The following EXOC4 variants were observed in gnomAD, a reference collection of about 807,000 sequenced individuals.
The protein encoded by EXOC4 is SEC8-like 1.
EXOC4 carries 71 observed loss-of-function variants against 107.2 expected under a neutral mutation model. The ratio of observed to expected loss-of-function variants is 0.66; its 90% CI spans 0.55 to 0.81. The LOEUF (loss-of-function observed/expected upper bound fraction) is 0.81, where lower values mean the gene tolerates loss of function less well. Among genes scored for constraint, EXOC4 ranks in the 30% least tolerant of loss-of-function variants. The pLI, the probability that EXOC4 is intolerant of heterozygous loss-of-function variation, is 0.00. For synonymous variants in EXOC4, 456 were observed against 441.2 expected, an observed-to-expected ratio of 1.03 and a Z score of -0.42; for missense variants, 1,108 against 1,189.6, an observed-to-expected ratio of 0.93 and a Z score of 1.01.
intron 17 of EXOC4, among the ~76,000 whole-genome samples, chr7:134,044,590 T>C (rs910588432): frequency 2.6e-5 from 4 of 152,146 alleles, no homozygotes; most frequent in Non-Finnish European, 5.9e-5. Context: ...AACTGAGCAG[T>C]CATCCATTAC....
intron 6 of EXOC4, among the ~76,000 whole-genome samples, chr7:133,361,696 A>G (rs1213676452): frequency 6.6e-6 from 1 of 152,184 alleles, no homozygotes; most frequent in Non-Finnish European, 1.5e-5. Flanking sequence ...GAGGTAAAAA[A>G]TGGTATTTTT....
At chr7:133,949,029 G>A (rs1800624380) in intron 14 of EXOC4, among the ~76,000 whole-genome samples, 1 of 152,130 alleles carries the variant, frequency 6.6e-6, no homozygotes, top group Admixed American at 6.5e-5. Flanking sequence ...AATATAAATG[G>A]TATTTAATAA....
At chr7:133,876,886 A>G (rs1292009596) in intron 11 of EXOC4, among the ~76,000 whole-genome samples, 1 of 150,862 alleles carries the variant, frequency 6.6e-6, no homozygotes, top group Non-Finnish European at 1.5e-5. Context: ...CAGCAATTCG[A>G]TTATTTGTGA....
rs551579689 is a variant in EXOC4, at chr7:133,946,207, T to G, written c.2206+8138T>G. Among the ~76,000 whole-genome samples the G allele has an allele frequency of 2.0e-4, 31 of 152,320 alleles. No homozygotes were observed. The South Asian group carries it at 3.9e-3, about 19-fold the overall frequency. On this transcript the variant is annotated intron_variant, in intron 14 of 17. Transcript: ENST00000253861. ...GTAGTTGTCATTTTCCTAAGCTGAC[T>G]TTCATATTGTGGCTTCATTTCTGTC...
At chr7:133,709,795 C>G (rs1794846858) in intron 10 of EXOC4, among the ~76,000 whole-genome samples, 1 of 151,944 alleles carries the variant, frequency 6.6e-6, no homozygotes, top group African/African-American at 2.4e-5. Flanking sequence ...TCAGTTTCCT[C>G]CTCTATAAAA....
intron 11 of EXOC4, among the ~76,000 whole-genome samples, chr7:133,835,412 G>C (rs78237757): frequency 6.6e-6 from 1 of 152,198 alleles, no homozygotes; most frequent in African/African-American, 2.4e-5. Context: ...GTCCAGAAAG[G>C]TGGGACAGTT....
the EXOC4 span, among the ~76,000 whole-genome samples, chr7:134,073,204 T>TAAA: frequency 2.8e-4 from 1 of 3,594 alleles, no homozygotes; most frequent in Admixed American, 7.5e-3. Context: ...AGACTTCCTC[T>TAAA]CAAAAAAAAA....
intron 10 of EXOC4, among the ~76,000 whole-genome samples, chr7:133,714,924 GT>G (rs1794968949): frequency 6.6e-6 from 1 of 152,060 alleles, no homozygotes; most frequent in South Asian, 2.1e-4. Flanking sequence ...TCTGGGCTTC[GT>G]TTTTCTCTGT....
chr7:134,083,996 T>C, the EXOC4 span, among the ~76,000 whole-genome samples: 1 of 152,176 alleles, frequency 6.6e-6, no homozygotes, highest in East Asian at 1.9e-4. Context: ...TCTTTCTTTA[T>C]AGGAAGTGAG....
At chr7:133,772,721 C>T (rs1225053190) in intron 10 of EXOC4, among the ~76,000 whole-genome samples, 1 of 151,994 alleles carries the variant, frequency 6.6e-6, no homozygotes, top group African/African-American at 2.4e-5. Flanking sequence ...ATTCTCTAGT[C>T]CAATCATTTT....
At chr7:133,557,639 A>G (rs1800718473) in intron 9 of EXOC4, among the ~76,000 whole-genome samples, 1 of 152,210 alleles carries the variant, frequency 6.6e-6, no homozygotes, top group Non-Finnish European at 1.5e-5. Context: ...TCTGAATAGT[A>G]AAAGTCTTTC....
intron 10 of EXOC4, among the ~76,000 whole-genome samples, chr7:133,660,624 G>A (rs1263102762): frequency 6.6e-6 from 1 of 152,182 alleles, no homozygotes; most frequent in Non-Finnish European, 1.5e-5. Flanking sequence ...CATCCAGTCA[G>A]AAGAATATTA....
At chr7:133,748,639 A>C (rs1366502273) in intron 10 of EXOC4, among the ~76,000 whole-genome samples, 1 of 152,224 alleles carries the variant, frequency 6.6e-6, no homozygotes, top group Non-Finnish European at 1.5e-5. Context: ...TGAGGTCTAG[A>C]GAAATCCATG....
intron 7 of EXOC4, among the ~76,000 whole-genome samples, chr7:133,466,548 T>C (rs1390237436): frequency 6.6e-6 from 1 of 152,110 alleles, no homozygotes; most frequent in East Asian, 1.9e-4. Flanking sequence ...AACAAATAAA[T>C]TAGTAATTAA....
intron 10 of EXOC4, among the ~76,000 whole-genome samples, chr7:133,747,898 G>A (rs916332051): frequency 2.6e-5 from 4 of 152,038 alleles, no homozygotes; most frequent in African/African-American, 9.7e-5. Flanking sequence ...TTATTTTCTT[G>A]CCTATCCGTA....
chr7:133,305,836 T>A, intron 3 of EXOC4, 41 bp from the exon 4 acceptor site: 1 of 1,494,566 alleles, frequency 6.7e-7, no homozygotes, highest in South Asian at 1.3e-5. Flanking sequence ...GCCAGGTTAT[T>A]AAGTTGTACT....
chr7:134,010,980 A>C (rs1405015206), intron 17 of EXOC4, among the ~76,000 whole-genome samples: 1 of 151,620 alleles, frequency 6.6e-6, no homozygotes, highest in Non-Finnish European at 1.5e-5. Flanking sequence ...AAGGAACCAG[A>C]CAACTTGTAA....
chr7:134,019,149 C>T (rs1175536525), intron 17 of EXOC4, among the ~76,000 whole-genome samples: 2 of 152,104 alleles, frequency 1.3e-5, no homozygotes, highest in Non-Finnish European at 2.9e-5. Flanking sequence ...AGGATGGTCT[C>T]GATCTCCTGA....
rs192584618 is a variant in EXOC4, at chr7:133,388,754, G to T, written c.1182+13752G>T. The stretch of plus-strand genomic sequence containing the variant: ...ATATTATAATTATTTTTTACATTTT[G>T]TTTGAATCAGGATCCAAATAAGGTT... On this transcript the variant is annotated intron_variant, in intron 7 of 17. Transcript: ENST00000253861. Among the ~76,000 whole-genome samples, 58 of 152,184 alleles carry T rather than the reference G, an allele frequency of 3.8e-4. No homozygotes were observed. In the East Asian group the frequency reaches 4.2e-3, roughly 11 times the overall value.
Sources: gnomAD v4.1 joint callset for allele counts (sites outside exome capture counted in the v4.1 genomes callset) on GRCh38, gnomAD v4.1.1 for gene constraint, MANE v1.5 for transcripts, NCBI Gene and HGNC (gene_info 2026-07-23, HGNC 2026-07-21) for gene names.